ZFHX3: variants seen among roughly 807,000 people sequenced by gnomAD.
ZFHX3 encodes the protein zinc finger homeobox protein 3.
ZFHX3 carries 42 observed loss-of-function variants against 279.1 expected under a neutral mutation model. The observed-to-expected ratio is 0.15, with a 90% confidence interval of 0.12 to 0.19. The LOEUF (loss-of-function observed/expected upper bound fraction) is 0.19. Among genes scored for constraint, ZFHX3 ranks in the 10% least tolerant of loss-of-function variants. ZFHX3 has a pLI of 1.00. For synonymous variants in ZFHX3, 2,293 were observed against 1,957.8 expected, an observed-to-expected ratio of 1.17 and a Z score of -4.52; for missense variants, 4,981 against 4,754.0, an observed-to-expected ratio of 1.05 and a Z score of -1.40.
rs543337504 is a variant in ZFHX3, at chr16:73,478,153, C to T, written c.-1546-21895G>A. Among the ~76,000 whole-genome samples, 31 of 151,482 alleles carry T rather than the reference C, an allele frequency of 2.0e-4. 1 individual carries two copies. The highest frequency in any genetic ancestry group is 6.3e-4 in the African/African-American group (26 of 41,244). On this transcript the variant is annotated intron_variant, in intron 2 of 17. Transcript: ENST00000641206. ...GGGCGTGGTGGTCCTGCAGTCCCAG[C>T]TACTCGGGAGGCTGAGGCAGGAGAA...
Position 72,785,344 on chromosome 16 carries a change from T to C in ZFHX3, c.*1820A>G, listed in dbSNP as rs1446594621. ...CTTTCTGTACACTGCTATCTGCTGC[T>C]TTGTTGGCTGCGCTCTGGATCACTC... On this transcript the variant is annotated 3_prime_UTR_variant, in exon 10 of 10. Transcript: ENST00000268489. 1.3e-5 allele frequency: 2 copies of C among 152,654 alleles called. No individual in the cohort carries two copies. The highest frequency in any genetic ancestry group is 4.8e-5 in the African/African-American group (2 of 41,450). The allele number at this position is 152,654 out of a possible 1,614,324, so 9.5% of individuals were successfully genotyped here. A position where few individuals can be genotyped will look rare whatever the true frequency, so the allele number is the denominator to read the frequency against.
intron 4 of ZFHX3, among the ~76,000 whole-genome samples, chr16:72,886,393 G>A (rs1013500225): frequency 6.6e-6 from 1 of 151,936 alleles, no homozygotes; most frequent in African/African-American, 2.4e-5. Flanking sequence ...CACTTCTCGG[G>A]GGAAAAACCC....
chr16:73,630,286 T>C (rs535036867), intron 2 of ZFHX3, among the ~76,000 whole-genome samples: 21 of 152,254 alleles, frequency 1.4e-4, no homozygotes, highest in African/African-American at 3.9e-4. Flanking sequence ...AAAAGGAAAA[T>C]TGGAAATTAA....
rs1026534349 is a variant in ZFHX3, at chr16:73,798,692, G to C, written c.-1608+92959C>G. 3.3e-5 allele frequency among the ~76,000 whole-genome samples: 5 copies of C among 152,132 alleles called. No individual in the cohort carries two copies. The South Asian group carries it at 8.3e-4, about 25-fold the overall frequency. ...CTGTTGTACATCACAGATGACAGAA[G>C]GACGTCAAGACCATTTCCAACATCA... On this transcript the variant is annotated intron_variant, in intron 1 of 17. Coordinates refer to the ZFHX3 transcript ENST00000641206.
At chr16:73,621,278 A>G (rs962728231) in intron 2 of ZFHX3, among the ~76,000 whole-genome samples, 5 of 152,210 alleles carry the variant, frequency 3.3e-5, no homozygotes, top group African/African-American at 1.2e-4. Flanking sequence ...CCAAACTGCC[A>G]AATTTCTAGG....
intron 3 of ZFHX3, among the ~76,000 whole-genome samples, chr16:72,933,483 A>G (rs1433132078): frequency 3.9e-5 from 6 of 152,130 alleles, no homozygotes; most frequent in Non-Finnish European, 8.8e-5. Flanking sequence ...TGAGTTGAAA[A>G]AAAAATCATA....
chr16:73,488,234 C>A (rs547017690), intron 2 of ZFHX3, among the ~76,000 whole-genome samples: 2 of 152,134 alleles, frequency 1.3e-5, no homozygotes, highest in African/African-American at 4.8e-5. Flanking sequence ...ATGGTGCCAT[C>A]CTTTAGGGCT....
rs565010342 is a variant in ZFHX3, at chr16:73,668,353, C to T, written c.-1547+11827G>A. On this transcript the variant is annotated intron_variant, in intron 2 of 17. Transcript: ENST00000641206. ...TAAGTTCTGGGATACATGTGCAGAA[C>T]GTGCAGGTTTGTTACATAGGTATAC... Among the ~76,000 whole-genome samples, 4 of 151,670 alleles carry T rather than the reference C, an allele frequency of 2.6e-5. No homozygotes were observed. In the South Asian group the frequency reaches 6.3e-4, roughly 24 times the overall value.
chr16:73,428,640 T>C (rs756572025), intron 3 of ZFHX3, among the ~76,000 whole-genome samples: 8 of 152,042 alleles, frequency 5.3e-5, no homozygotes, highest in Non-Finnish European at 1.0e-4. Context: ...ACTCCATCTG[T>C]TGCCTTCCTC....
At chr16:73,891,021 T>TCCCCCCCCCCC (rs138449323) in intron 1 of ZFHX3, among the ~76,000 whole-genome samples, 1 of 52,160 alleles carries the variant, frequency 1.9e-5, no homozygotes, top group African/African-American at 5.3e-5. Context: ...ACCTCGCCGC[T>TCCCCCCCCCCC]CCCCCCCTCC....
chr16:72,961,441 A>G (rs1348934313), intron 1 of ZFHX3, among the ~76,000 whole-genome samples: 1 of 152,136 alleles, frequency 6.6e-6, no homozygotes, highest in East Asian at 1.9e-4. Flanking sequence ...CCCTGCTCCT[A>G]CAGGCAGCTC....
chr16:73,524,280 G>A (rs921512629), intron 2 of ZFHX3, among the ~76,000 whole-genome samples: 1 of 152,208 alleles, frequency 6.6e-6, no homozygotes, highest in African/African-American at 2.4e-5. Flanking sequence ...GTGACAGGAA[G>A]TCCACTAGAA....
intron 2 of ZFHX3, among the ~76,000 whole-genome samples, chr16:73,578,005 C>T (rs1040704988): frequency 6.6e-6 from 1 of 152,204 alleles, no homozygotes; most frequent in African/African-American, 2.4e-5. Context: ...TCAATCACTC[C>T]GGCCAAACTG....
chr16:73,770,327 G>A (rs2054003385), intron 1 of ZFHX3, among the ~76,000 whole-genome samples: 1 of 152,200 alleles, frequency 6.6e-6, no homozygotes, highest in Non-Finnish European at 1.5e-5. Flanking sequence ...TGGAAAAAGA[G>A]AAGACACAGA....
At chr16:73,807,412 G>C (rs1007106699) in intron 1 of ZFHX3, among the ~76,000 whole-genome samples, 3 of 151,900 alleles carry the variant, frequency 2.0e-5, no homozygotes, top group African/African-American at 7.3e-5. Flanking sequence ...ATATGTTTTA[G>C]AAATATCTAT....
At chr16:73,159,704 G>T (rs1967179674) in intron 5 of ZFHX3, among the ~76,000 whole-genome samples, 1 of 152,124 alleles carries the variant, frequency 6.6e-6, no homozygotes, top group Non-Finnish European at 1.5e-5. Flanking sequence ...TATGGCAAAA[G>T]CTGCATAATA....
chr16:73,476,524 G>A (rs2018768566), intron 2 of ZFHX3, among the ~76,000 whole-genome samples: 1 of 152,076 alleles, frequency 6.6e-6, no homozygotes, highest in African/African-American at 2.4e-5. Flanking sequence ...AGAATATTGT[G>A]GCTTGATTGC....
intron 7 of ZFHX3, among the ~76,000 whole-genome samples, chr16:73,129,467 C>T (rs565835652): frequency 6.2e-4 from 93 of 151,218 alleles, no homozygotes; most frequent in South Asian, 4.4e-3. Flanking sequence ...CCCATGAGAC[C>T]ATTTCACAAT....
intron 2 of ZFHX3, among the ~76,000 whole-genome samples, chr16:73,568,681 AT>A (rs2020483988): frequency 6.6e-6 from 1 of 152,124 alleles, no homozygotes; most frequent in African/African-American, 2.4e-5. Context: ...CACCACCGTC[AT>A]TGCCATTGTG....
Sources: allele counts gnomAD v4.1 joint callset (sites outside exome capture counted in the v4.1 genomes callset), GRCh38; gene constraint gnomAD v4.1.1; transcripts MANE v1.5; gene names NCBI Gene and HGNC (gene_info 2026-07-23, HGNC 2026-07-21).